Variants in ZMYM2 observed in about 807,000 individuals in gnomAD.
ZMYM2 encodes the protein zinc finger MYM-type containing 2.
A neutral mutation model predicts 162.8 loss-of-function variants in ZMYM2; 56 were observed. The observed-to-expected ratio is 0.34, with a 90% CI of 0.28 to 0.43. The LOEUF (loss-of-function observed/expected upper bound fraction) is 0.43. Ranked by LOEUF, ZMYM2 falls within the 20% of genes least tolerant of loss-of-function variation. ZMYM2 has a pLI of 1.00. For missense variants in ZMYM2, 1,275 were observed against 1,621.8 expected (o/e 0.79, Z 3.67); for synonymous variants, 510 against 541.6 (o/e 0.94, Z 0.81).
chr13:19,922,705 G>A, the ZMYM2 span, among the ~76,000 whole-genome samples: 10 of 151,806 alleles, frequency 6.6e-5, no homozygotes, highest in Admixed American at 3.3e-4. Context: ...TTAGCCAGGC[G>A]TGGTGGTGGG....
chr13:20,074,512 C>T (rs538964318), intron 21 of ZMYM2, among the ~76,000 whole-genome samples: 4 of 151,468 alleles, frequency 2.6e-5, no homozygotes, highest in Non-Finnish European at 5.9e-5. Flanking sequence ...CTGGAATTAA[C>T]AGGCATGAGC....
At chr13:20,046,595 G>A (rs2098956008) in intron 12 of ZMYM2, among the ~76,000 whole-genome samples, 23 of 25,868 alleles carry the variant, frequency 8.9e-4, no homozygotes, top group South Asian at 4.8e-3. Context: ...GTGTGTGTGT[G>A]TGTGTGTGTG....
chr13:19,965,384 T>TA lies in ZMYM2; in HGVS notation c.-11+5359dup, dbSNP rs140758551. On this transcript the variant is annotated intron_variant, in intron 2 of 24. Transcript: ENST00000610343. Reference sequence around the variant, plus strand: ...TTTATAATCATTCATTTCAAAGAGGTATGTCTTTTTCCTAGGAAGAATAGT... The same window carrying TA: ...TTTATAATCATTCATTTCAAAGAGGTAATGTCTTTTTCCTAGGAAGAATAGT... 1.9e-4 allele frequency: 108 copies of TA among 568,888 alleles called. No homozygotes were observed. The East Asian group carries it at 7.2e-3, about 38-fold the overall frequency. 35.2% of individuals were successfully genotyped at this position (568,888 alleles called of 1,614,324 possible). A position where few individuals can be genotyped will look rare whatever the true frequency, so the allele number is the denominator to read the frequency against.
At chr13:19,945,862 T>C in the ZMYM2 span, among the ~76,000 whole-genome samples, 1 of 149,094 alleles carries the variant, frequency 6.7e-6, no homozygotes, top group East Asian at 2.0e-4. Context: ...GGCAGGAGAA[T>C]TGCTTGAACT....
the ZMYM2 span, among the ~76,000 whole-genome samples, chr13:19,946,516 C>T: frequency 1.3e-5 from 2 of 152,230 alleles, no homozygotes; most frequent in African/African-American, 4.8e-5. Flanking sequence ...TGGTCCTCAT[C>T]GTTATTCTGT....
At chr13:19,886,601 G>A in the ZMYM2 span, among the ~76,000 whole-genome samples, 5 of 151,694 alleles carry the variant, frequency 3.3e-5, no homozygotes, top group African/African-American at 9.7e-5. Flanking sequence ...TGAAGAAGCT[G>A]GACAATTTGT....
the ZMYM2 span, among the ~76,000 whole-genome samples, chr13:19,895,602 C>T: frequency 3.3e-5 from 5 of 151,718 alleles, no homozygotes; most frequent in African/African-American, 4.9e-5. Context: ...CATGATAACC[C>T]GTTAATCCAC....
At chr13:19,884,736 C>G in the ZMYM2 span, among the ~76,000 whole-genome samples, 2 of 152,134 alleles carry the variant, frequency 1.3e-5, no homozygotes, top group Non-Finnish European at 2.9e-5. Context: ...GACACAAACT[C>G]TCGCGATAAA....
At chr13:19,963,228 T>G (rs1434822637) in intron 2 of ZMYM2, among the ~76,000 whole-genome samples, 1 of 152,218 alleles carries the variant, frequency 6.6e-6, no homozygotes, top group Non-Finnish European at 1.5e-5. Flanking sequence ...TGTAGGGCAT[T>G]TCAATTTAGG....
chr13:19,911,125 C>T, the ZMYM2 span, among the ~76,000 whole-genome samples: 27 of 144,290 alleles, frequency 1.9e-4, no homozygotes, highest in Admixed American at 2.9e-4. Context: ...GGTGGGATCT[C>T]GGCTCACTGC....
chr13:19,931,078 G>C, the ZMYM2 span, among the ~76,000 whole-genome samples: 1 of 150,520 alleles, frequency 6.6e-6, no homozygotes, highest in Non-Finnish European at 1.5e-5. Flanking sequence ...GGCGGAGCTT[G>C]CAGTGAGCCG....
chr13:19,964,191 A>T (rs564765760), intron 2 of ZMYM2, among the ~76,000 whole-genome samples: 7 of 152,230 alleles, frequency 4.6e-5, no homozygotes, highest in Non-Finnish European at 4.4e-5. Flanking sequence ...AGCCTGGCCA[A>T]TGTGGTGAAA....
At chr13:20,073,038 G>GC (rs1957211128) in intron 21 of ZMYM2, among the ~76,000 whole-genome samples, 1 of 151,890 alleles carries the variant, frequency 6.6e-6, no homozygotes, top group African/African-American at 2.4e-5. Context: ...CTCCCAAGTA[G>GC]CTGGGATTAC....
chr13:19,962,360 C>A (rs1955310066), intron 2 of ZMYM2, among the ~76,000 whole-genome samples: 2 of 151,450 alleles, frequency 1.3e-5, no homozygotes, highest in Non-Finnish European at 2.9e-5. Context: ...TGTCAAAAGG[C>A]ATGGTATAAT....
chr13:20,013,801 C>T lies in ZMYM2; in HGVS notation c.1513-5746C>T, dbSNP rs182260572. ...TCCCTACTTGATTATGGTGTATAATCCTTTTAATATATTGAATTCAGTTTA... is the reference window on the plus strand; with the variant it reads ...TCCCTACTTGATTATGGTGTATAATTCTTTTAATATATTGAATTCAGTTTA... On this transcript the variant is annotated intron_variant, in intron 6 of 24. Transcript: ENST00000610343. 1.2e-3 allele frequency among the ~76,000 whole-genome samples: 177 copies of T among 152,106 alleles called. 1 individual carries two copies. The highest frequency in any genetic ancestry group is 2.1e-3 in the Non-Finnish European group (141 of 68,000).
intron 2 of ZMYM2, among the ~76,000 whole-genome samples, chr13:19,972,753 A>G (rs1293356709): frequency 6.6e-6 from 1 of 151,964 alleles, no homozygotes; most frequent in Non-Finnish European, 1.5e-5. Flanking sequence ...TAACTGCCAA[A>G]TTGCCCTCCG....
chr13:19,979,965 C>G (rs1738969591), intron 2 of ZMYM2, among the ~76,000 whole-genome samples: 1 of 152,088 alleles, frequency 6.6e-6, no homozygotes, highest in Non-Finnish European at 1.5e-5. Context: ...CCTAAAGTCT[C>G]TGTCTTCATC....
intron 3 of ZMYM2, among the ~76,000 whole-genome samples, chr13:19,997,792 A>G (rs1950126493): frequency 6.6e-6 from 1 of 152,212 alleles, no homozygotes; most frequent in Non-Finnish European, 1.5e-5. Flanking sequence ...ATCATAGCAT[A>G]GGTACAGTTT....
chr13:19,928,042 G>A, the ZMYM2 span, among the ~76,000 whole-genome samples: 1 of 151,982 alleles, frequency 6.6e-6, no homozygotes, highest in Non-Finnish European at 1.5e-5. Context: ...GTCTTGCTTT[G>A]TTGGCCAGGC....
Sources: gnomAD v4.1 joint callset for allele counts (sites outside exome capture counted in the v4.1 genomes callset) on GRCh38, gnomAD v4.1.1 for gene constraint, MANE v1.5 for transcripts, NCBI Gene and HGNC (gene_info 2026-07-23, HGNC 2026-07-21) for gene names.